Variants in KIAA0930 observed in about 807,000 individuals in gnomAD.
KIAA0930 encodes the protein uncharacterized protein KIAA0930.
A neutral mutation model predicts 43.9 loss-of-function variants in KIAA0930; 24 were observed. The observed-to-expected ratio is 0.55, with a 90% CI of 0.40 to 0.77. The LOEUF (loss-of-function observed/expected upper bound fraction) is 0.77, where lower values mean the gene tolerates loss of function less well. KIAA0930 is among the 30% of genes least tolerant of loss of function. The pLI, the probability that KIAA0930 is intolerant of heterozygous loss-of-function variation, is 0.00. For synonymous variants in KIAA0930, 259 were observed against 216.4 expected, an observed-to-expected ratio of 1.20 and a Z score of -1.73; for missense variants, 461 against 574.2, an observed-to-expected ratio of 0.80 and a Z score of 2.02.
chr22:45,233,265 T>C (rs1404052730), intron 1 of KIAA0930, among the ~76,000 whole-genome samples: 1 of 152,086 alleles, frequency 6.6e-6, no homozygotes, highest in Non-Finnish European at 1.5e-5. Flanking sequence ...GGAATGGGCA[T>C]TTTGTTTTAA....
chr22:45,198,175 CT>C, intron 8 of KIAA0930: 1 of 566,534 alleles, frequency 1.8e-6, no homozygotes, highest in East Asian at 2.8e-5. Flanking sequence ...TCCAGGAAGA[CT>C]TTGGCCACCC....
chr22:45,209,274 G>A (rs1254528101), intron 2 of KIAA0930, among the ~76,000 whole-genome samples: 1 of 152,060 alleles, frequency 6.6e-6, no homozygotes, highest in African/African-American at 2.4e-5. Flanking sequence ...GTGCGCAGGC[G>A]ACTCCGCGGG....
chr22:45,213,397 AG>A, intron 1 of KIAA0930: 1 of 1,302,408 alleles, frequency 7.7e-7, no homozygotes, highest in Non-Finnish European at 1.0e-6. Flanking sequence ...TTCATCGGTG[AG>A]GGTCTGGGTC....
chr22:45,240,586 GC>G (rs2083910807), intron 1 of KIAA0930, 53 bp downstream of exon 1: 1 of 1,259,746 alleles, frequency 7.9e-7, no homozygotes. Flanking sequence ...CGCAGAGGCG[GC>G]CCCGGAGACG....
intron 1 of KIAA0930, among the ~76,000 whole-genome samples, chr22:45,232,620 C>A (rs1341812837): frequency 6.6e-6 from 1 of 152,196 alleles, no homozygotes; most frequent in Non-Finnish European, 1.5e-5. Flanking sequence ...CCAGGACGGG[C>A]TGTGACCCAG....
intron 1 of KIAA0930, among the ~76,000 whole-genome samples, chr22:45,233,767 A>G (rs921710060): frequency 6.6e-6 from 1 of 152,002 alleles, no homozygotes; most frequent in African/African-American, 2.4e-5. Context: ...GGGAAGGTCT[A>G]CTCAACCCTC....
intron 7 of KIAA0930, among the ~76,000 whole-genome samples, chr22:45,201,421 G>A (rs900271498): frequency 1.3e-5 from 2 of 152,152 alleles, no homozygotes; most frequent in Admixed American, 1.3e-4. Flanking sequence ...GGACAGATGG[G>A]AAAACCAAGG....
Position 45,240,631 on chromosome 22 carries a change from CCCA to C in KIAA0930, c.64+6_64+8del. ...TCCCGGCCCGGCCTCGCCCCCGGGT[CCCA>C]CTCACCGAGGCCGCAGACCTCGCGG... On this transcript the variant is annotated splice_donor_region_variant and intron_variant, in intron 1 of 9. Transcript: ENST00000336156. 1 of 1,523,064 alleles carries C rather than the reference CCCA, an allele frequency of 6.6e-7. No individual in the cohort carries two copies. Among genetic ancestry groups the C allele is most frequent in the Non-Finnish European group, 8.8e-7 (1 of 1,139,692 alleles). The allele number at this position is 1,523,064 out of a possible 1,614,324, so 94.3% of individuals were successfully genotyped here.
intron 7 of KIAA0930, chr22:45,202,785 T>TC (rs2083600532): frequency 2.1e-5 from 11 of 515,046 alleles, no homozygotes; most frequent in Middle Eastern, 4.9e-4. Flanking sequence ...CAGGAACGCC[T>TC]CCCCTGCGGC....
chr22:45,222,683 A>C (rs1417815115), intron 1 of KIAA0930, among the ~76,000 whole-genome samples: 4 of 151,836 alleles, frequency 2.6e-5, no homozygotes. Flanking sequence ...ACCATAAACA[A>C]AGCAAAAAAC....
intron 9 of KIAA0930, 51 bp from the exon 10 acceptor site, chr22:45,197,267 G>A (rs1460214781): frequency 1.3e-6 from 2 of 1,502,898 alleles, no homozygotes; most frequent in East Asian, 2.5e-5. Flanking sequence ...CAACAGCGGT[G>A]AGTGCTATGG....
chr22:45,231,959 A>C (rs540725040), intron 1 of KIAA0930, among the ~76,000 whole-genome samples: 11 of 152,158 alleles, frequency 7.2e-5, no homozygotes, highest in Admixed American at 2.0e-4. Flanking sequence ...CCACTGCACT[A>C]CAGCCTGGGT....
intron 1 of KIAA0930, among the ~76,000 whole-genome samples, chr22:45,238,006 C>G (rs1373650936): frequency 6.6e-6 from 1 of 151,932 alleles, no homozygotes; most frequent in African/African-American, 2.4e-5. Flanking sequence ...CTGCAACCTC[C>G]GCCTCCCGGG....
chr22:45,238,016 G>C (rs2083897238), intron 1 of KIAA0930, among the ~76,000 whole-genome samples: 2 of 151,790 alleles, frequency 1.3e-5, no homozygotes, highest in African/African-American at 4.8e-5. Flanking sequence ...CGCCTCCCGG[G>C]TTCACACCAT....
Position 45,196,955 on chromosome 22 carries a change from G to A in KIAA0930, c.*221C>T. The A allele has an allele frequency of 2.0e-6, 1 of 507,024 alleles. No homozygotes were observed. The highest frequency in any genetic ancestry group is 3.5e-6 in the Non-Finnish European group (1 of 287,630). The allele number at this position is 507,024 out of a possible 1,614,324, so 31.4% of individuals were successfully genotyped here. On this transcript the variant is annotated 3_prime_UTR_variant, in exon 10 of 10. Transcript: ENST00000336156. The surrounding 1 kb of genome is among the most constrained non-coding windows in gnomAD (Gnocchi z 4.1). ...GATGGGTGGGGGGCGATGGGCGGGG[G>A]GCACAGGGCGGAGCAGCGCCAGCAG...
intron 1 of KIAA0930, among the ~76,000 whole-genome samples, chr22:45,225,255 CG>C (rs1228276091): frequency 6.6e-6 from 1 of 152,158 alleles, no homozygotes. Flanking sequence ...CTCCCTCCCT[CG>C]GGGCACAGAA....
Position 45,197,000 on chromosome 22 carries a change from A to G in KIAA0930, c.*176T>C. On this transcript the variant is annotated 3_prime_UTR_variant, in exon 10 of 10. Transcript: ENST00000336156. The surrounding 1 kb of genome is among the most constrained non-coding windows in gnomAD (Gnocchi z 4.1). ...CAGCAGGGGAGGGAAGAGGCACTTCAGTTTGGGCTGGTGTTCGTGGAGTCG... is the reference window on the plus strand; with the variant it reads ...CAGCAGGGGAGGGAAGAGGCACTTCGGTTTGGGCTGGTGTTCGTGGAGTCG... 2 of 562,912 alleles carry G rather than the reference A, an allele frequency of 3.6e-6. No homozygotes were observed. The allele number at this position is 562,912 out of a possible 1,614,324, so 34.9% of individuals were successfully genotyped here.
At chr22:45,208,379 G>A (rs1348872590) in intron 2 of KIAA0930, among the ~76,000 whole-genome samples, 1 of 146,982 alleles carries the variant, frequency 6.8e-6, no homozygotes, top group African/African-American at 2.5e-5. Context: ...TGCACGAGCT[G>A]TAAGAACAGG....
At chr22:45,201,004 T>A (rs568509176) in intron 7 of KIAA0930, 1 of 532,794 alleles carries the variant, frequency 1.9e-6, no homozygotes, top group South Asian at 1.4e-5. Flanking sequence ...ACTTGGCCCA[T>A]CTCCTCCCTC....
Sources: allele counts gnomAD v4.1 joint callset (sites outside exome capture counted in the v4.1 genomes callset), GRCh38; gene constraint gnomAD v4.1.1; non-coding constraint Gnocchi (gnomAD v3.1); transcripts MANE v1.5; gene names NCBI Gene and HGNC (gene_info 2026-07-23, HGNC 2026-07-21).